Variants in ARHGAP32 observed in about 807,000 individuals in gnomAD.
ARHGAP32 encodes the protein rho GTPase-activating protein 32.
A neutral mutation model predicts 186.5 loss-of-function variants in ARHGAP32; 51 were observed. The observed-to-expected ratio is 0.27, with a 90% CI of 0.22 to 0.35. The LOEUF is 0.35. Ranked by LOEUF, ARHGAP32 falls within the 10% of genes least tolerant of loss-of-function variation. The pLI, the probability that ARHGAP32 is intolerant of heterozygous loss-of-function variation, is 1.00. For missense variants in ARHGAP32, 2,186 were observed against 2,623.5 expected (o/e 0.83, Z 3.64); for synonymous variants, 950 against 964.3 (o/e 0.99, Z 0.27).
intron 6 of ARHGAP32, among the ~76,000 whole-genome samples, chr11:129,070,499 C>T (rs1407437212): frequency 6.6e-6 from 1 of 151,040 alleles, no homozygotes; most frequent in Non-Finnish European, 1.5e-5. Context: ...AACTTCCAAA[C>T]TGACAGATTT....
At chr11:129,008,118 G>T (rs1038311686) in intron 11 of ARHGAP32, among the ~76,000 whole-genome samples, 1 of 152,164 alleles carries the variant, frequency 6.6e-6, no homozygotes, top group Non-Finnish European at 1.5e-5. Flanking sequence ...TGGCAAAGGT[G>T]ATTTAAGACT....
chr11:129,170,406 C>T (rs1417208695), intron 1 of ARHGAP32, among the ~76,000 whole-genome samples: 1 of 152,076 alleles, frequency 6.6e-6, no homozygotes, highest in Non-Finnish European at 1.5e-5. Context: ...GTTCAACTCC[C>T]AATTATGGAT....
rs78178198 is a variant in ARHGAP32 at position 128,985,831 on chromosome 11, C to T, written c.1526+172G>A. The T allele has an allele frequency of 8.9e-3, 1,026 of 115,378 alleles. 6 individuals are homozygous for T. Among genetic ancestry groups the T allele is most frequent in the Non-Finnish European group, 0.011 (658 of 60,472 alleles). 7.1% of individuals were successfully genotyped at this position (115,378 alleles called of 1,614,324 possible). ...CATACATATAGTGTGTGTGTGTGTG[C>T]GTGTGTGTGTGTGTGTGTGTGTGTG... On this transcript the variant is annotated intron_variant, in intron 15 of 22. Transcript: ENST00000682385.
intron 1 of ARHGAP32, among the ~76,000 whole-genome samples, chr11:129,277,382 A>G (rs979458920): frequency 6.6e-6 from 1 of 152,208 alleles, no homozygotes; most frequent in African/African-American, 2.4e-5. Context: ...CAAAGGCTCT[A>G]AAGAAGACAG....
At chr11:129,246,222 C>G (rs1945095404) in intron 1 of ARHGAP32, among the ~76,000 whole-genome samples, 1 of 152,140 alleles carries the variant, frequency 6.6e-6, no homozygotes, top group African/African-American at 2.4e-5. Flanking sequence ...CCCCTCATGT[C>G]AGTTGTAACA....
intron 1 of ARHGAP32, among the ~76,000 whole-genome samples, chr11:129,268,880 C>T (rs1244194346): frequency 6.6e-6 from 1 of 152,056 alleles, no homozygotes; most frequent in Non-Finnish European, 1.5e-5. Flanking sequence ...ACCTCTCTAT[C>T]ATCAACAAAT....
intron 11 of ARHGAP32, among the ~76,000 whole-genome samples, chr11:129,025,559 T>C (rs1938800649): frequency 6.6e-6 from 1 of 152,134 alleles, no homozygotes; most frequent in Non-Finnish European, 1.5e-5. Flanking sequence ...GCCACTCTTC[T>C]TTTCTTTAAT....
Position 129,029,980 on chromosome 11 carries a change from T to G in ARHGAP32, c.1045+10948A>C, listed in dbSNP as rs563687257. On this transcript the variant is annotated intron_variant, in intron 11 of 22. Transcript: ENST00000682385. ...ATACATGGTATTATAAATTTTCTGT[T>G]TTCCCCTGATACAGAGTGAGAAAAT... 2.0e-5 allele frequency among the ~76,000 whole-genome samples: 3 copies of G among 152,248 alleles called. No homozygotes were observed. The South Asian group carries it at 6.2e-4, about 32-fold the overall frequency.
At chr11:129,066,932 C>T in intron 6 of ARHGAP32, 64 bp from the exon 7 acceptor site, 2 of 1,320,942 alleles carry the variant, frequency 1.5e-6, no homozygotes, top group Non-Finnish European at 1.0e-6. Context: ...TGAATCAGGC[C>T]ATATTCTATA....
chr11:129,266,242 A>C (rs1477903265), intron 1 of ARHGAP32, among the ~76,000 whole-genome samples: 2 of 152,164 alleles, frequency 1.3e-5, no homozygotes, highest in Non-Finnish European at 2.9e-5. Flanking sequence ...TCACTAGATA[A>C]GTGACTTAAC....
intron 2 of ARHGAP32, among the ~76,000 whole-genome samples, chr11:129,137,046 TA>T (rs1942950904): frequency 6.6e-6 from 1 of 151,864 alleles, no homozygotes; most frequent in Non-Finnish European, 1.5e-5. Flanking sequence ...TTTAATACAC[TA>T]TATTGCATCC....
At chr11:129,169,630 T>TCAAAAAAA (rs1943715256) in intron 1 of ARHGAP32, among the ~76,000 whole-genome samples, 1 of 53,930 alleles carries the variant, frequency 1.9e-5, no homozygotes, top group Non-Finnish European at 3.3e-5. Context: ...AGACTCTGTC[T>TCAAAAAAA]CAAAAAAAAA....
Position 128,968,942 on chromosome 11 carries a change from A to C in ARHGAP32, c.6271T>G (p.Leu2091Val). 2 of 1,551,190 alleles carry C rather than the reference A, an allele frequency of 1.3e-6. No homozygotes were observed. The highest frequency in any genetic ancestry group is 1.7e-6 in the Non-Finnish European group (2 of 1,144,228). ...QGAFLPAELS[L>V]QHPETQIHAE is the part of the protein sequence containing the mutation. ...TGGATCTGTGTTTCAGGATGCTGCA[A>C]GGACAACTCTGCGGGCAGGAAGGCC... Residue 2091 changes from leucine to valine, a missense_variant, in exon 23 of 23, where the codon TTG (leucine) becomes GTG (valine). Leu to Val is a conservative substitution (Grantham distance 32). Transcript: ENST00000682385.
At chr11:129,174,275 T>C (rs555123189) in intron 1 of ARHGAP32, among the ~76,000 whole-genome samples, 45 of 152,328 alleles carry the variant, frequency 3.0e-4, no homozygotes, top group African/African-American at 9.4e-4. Context: ...ATCCCGCACA[T>C]GGCTCGGAGG....
intron 1 of ARHGAP32, among the ~76,000 whole-genome samples, chr11:129,212,374 A>T (rs1378982993): frequency 1.3e-5 from 2 of 152,138 alleles, no homozygotes; most frequent in Non-Finnish European, 2.9e-5. Context: ...GAAACAAGCA[A>T]AAATATTGGT....
chr11:129,153,424 C>A (rs1189532455), intron 2 of ARHGAP32, among the ~76,000 whole-genome samples: 1 of 151,966 alleles, frequency 6.6e-6, no homozygotes, highest in African/African-American at 2.4e-5. Context: ...CCCACATAGA[C>A]AAAGAAAGAC....
At chr11:129,240,242 G>A (rs779994347) in intron 1 of ARHGAP32, among the ~76,000 whole-genome samples, 1 of 151,926 alleles carries the variant, frequency 6.6e-6, no homozygotes, top group Non-Finnish European at 1.5e-5. Context: ...TAGCAAGATA[G>A]CTATTACTGC....
chr11:129,230,467 T>C (rs1944843187), intron 1 of ARHGAP32, among the ~76,000 whole-genome samples: 1 of 152,160 alleles, frequency 6.6e-6, no homozygotes, highest in Non-Finnish European at 1.5e-5. Context: ...CATACAATGA[T>C]GCAATTATAT....
At chr11:128,993,428 TC>T (rs1946117396) in intron 12 of ARHGAP32, 1 of 151,950 alleles carries the variant, frequency 6.6e-6, no homozygotes, top group East Asian at 1.9e-4. Context: ...TATATTAAAG[TC>T]TAAACTTTGA....
Sources: gnomAD v4.1 joint callset for allele counts (sites outside exome capture counted in the v4.1 genomes callset) on GRCh38, gnomAD v4.1.1 for gene constraint, MANE v1.5 for transcripts, NCBI Gene and HGNC (gene_info 2026-07-23, HGNC 2026-07-21) for gene names.